RABGEF1: variants seen among roughly 807,000 people sequenced by gnomAD.
RABGEF1 encodes the protein RAB guanine nucleotide exchange factor 1.
In RABGEF1, 26 loss-of-function variants were observed where a neutral mutation model predicts 57.3. The observed-to-expected ratio is 0.45, with a 90% CI of 0.33 to 0.63. The LOEUF is 0.63. RABGEF1 is among the 20% of genes least tolerant of loss of function. RABGEF1 has a pLI of 0.02. For missense variants in RABGEF1, 464 were observed against 607.6 expected (o/e 0.76, Z 2.48); for synonymous variants, 185 against 210.7 (o/e 0.88, Z 1.06).
At chr7:66,692,241 TTC>T in intron 1 of RABGEF1, among the ~76,000 whole-genome samples, 1 of 152,348 alleles carries the variant, frequency 6.6e-6, no homozygotes, top group Non-Finnish European at 1.5e-5. Context: ...GCAGTGCTGT[TTC>T]GGAAGGTCCC....
rs375164902 is a variant in RABGEF1, at chr7:66,754,711, C to T, written c.-18+13919C>T. Among the ~76,000 whole-genome samples, 13 of 152,302 alleles carry T rather than the reference C, an allele frequency of 8.5e-5. No individual in the cohort carries two copies. In the South Asian group the frequency reaches 1.2e-3, roughly 15 times the overall value. Reference sequence around the variant, plus strand: ...CATAACACAAATATTTATTTGATTGCGCCATCTAACAAATCTGAATAAATA... The same window carrying T: ...CATAACACAAATATTTATTTGATTGTGCCATCTAACAAATCTGAATAAATA... On this transcript the variant is annotated intron_variant, in intron 1 of 8. Transcript: ENST00000284957.
At chr7:66,720,135 G>A (rs1043159588) in intron 2 of RABGEF1, among the ~76,000 whole-genome samples, 3 of 150,866 alleles carry the variant, frequency 2.0e-5, no homozygotes, top group African/African-American at 7.3e-5. Flanking sequence ...AATACTTGCA[G>A]AAAAGAAGCA....
intron 1 of RABGEF1, among the ~76,000 whole-genome samples, chr7:66,705,876 ATTTTTTTTTTTTTTTTTT>A (rs201838145): frequency 8.9e-5 from 4 of 45,150 alleles, no homozygotes; most frequent in Admixed American, 3.4e-4. Flanking sequence ...CACCCAGCTA[ATTTTTTTTTTTTTTTTTT>A]TTTTTTTTTT....
chr7:66,706,101 A>T (rs1794046383), intron 1 of RABGEF1, among the ~76,000 whole-genome samples: 1 of 149,792 alleles, frequency 6.7e-6, no homozygotes, highest in Non-Finnish European at 1.5e-5. Context: ...ACGGGGTTTC[A>T]CCTTGTTAGC....
intron 1 of RABGEF1, chr7:66,768,830 G>C (rs1480656170): frequency 1.3e-5 from 2 of 152,038 alleles, no homozygotes; most frequent in African/African-American, 4.8e-5. Context: ...CTTTTGTCCA[G>C]AAAACTGTGG....
At chr7:66,738,863 T>C (rs1798378417), upstream of RABGEF1, among the ~76,000 whole-genome samples, 1 of 152,154 alleles carries the variant, frequency 6.6e-6, no homozygotes, top group Non-Finnish European at 1.5e-5. Flanking sequence ...CTTTTGGTAA[T>C]AGCAATTACC....
upstream of RABGEF1, among the ~76,000 whole-genome samples, chr7:66,738,690 C>T (rs1185054837): frequency 6.7e-6 from 1 of 149,792 alleles, no homozygotes; most frequent in Admixed American, 6.7e-5. Context: ...CGAGATTGCA[C>T]CACTGTGCTC....
intron 1 of RABGEF1, among the ~76,000 whole-genome samples, chr7:66,705,586 C>G (rs1235921653): frequency 6.6e-6 from 1 of 151,650 alleles, no homozygotes; most frequent in African/African-American, 2.4e-5. Flanking sequence ...GTCCTGCAAC[C>G]TTGCTATAAT....
chr7:66,790,058 A>T (rs1812256833), intron 4 of RABGEF1, among the ~76,000 whole-genome samples: 1 of 152,262 alleles, frequency 6.6e-6, no homozygotes, highest in South Asian at 2.1e-4. Flanking sequence ...GCATTGGCAG[A>T]TACTGAGGAC....
chr7:66,690,990 C>T (rs1791437840), intron 1 of RABGEF1, among the ~76,000 whole-genome samples: 1 of 151,776 alleles, frequency 6.6e-6, no homozygotes, highest in African/African-American at 2.4e-5. Context: ...GCTTCGGAGG[C>T]TGGGGCATGA....
intron 1 of RABGEF1, among the ~76,000 whole-genome samples, chr7:66,702,370 T>TGA (rs1793421804): frequency 6.6e-6 from 1 of 151,794 alleles, no homozygotes; most frequent in Non-Finnish European, 1.5e-5. Context: ...TGTGTGTGTG[T>TGA]GTGTGTGTGT....
At chr7:66,702,347 T>TGTGTGTG (rs1554306667) in intron 1 of RABGEF1, among the ~76,000 whole-genome samples, 7 of 143,888 alleles carry the variant, frequency 4.9e-5, no homozygotes, top group East Asian at 2.0e-4. Flanking sequence ...ATTGTTTTGT[T>TGTGTGTG]TGTGTGTGTG....
chr7:66,707,865 T>C (rs1584827970), intron 1 of RABGEF1, among the ~76,000 whole-genome samples: 1 of 152,214 alleles, frequency 6.6e-6, no homozygotes, highest in Admixed American at 6.6e-5. Flanking sequence ...ATAATGTCCT[T>C]CTTTGTCTCT....
Position 66,804,219 on chromosome 7 carries a change from G to A in RABGEF1, c.821-921G>A, listed in dbSNP as rs1787936675. 5.9e-5 allele frequency among the ~76,000 whole-genome samples: 9 copies of A among 152,130 alleles called. No individual in the cohort carries two copies. In the South Asian group the frequency reaches 1.9e-3, roughly 32 times the overall value. The stretch of plus-strand genomic sequence containing the variant: ...CTGCCTCAGCCTTTCCAGTAGTTGG[G>A]GCTATAGGCACACATTACCACACTC... On this transcript the variant is annotated intron_variant, in intron 7 of 8. Transcript: ENST00000284957.
At chr7:66,678,513 C>T (rs565945469), upstream of RABGEF1, among the ~76,000 whole-genome samples, 7 of 136,312 alleles carry the variant, frequency 5.1e-5, no homozygotes, top group South Asian at 2.3e-4. Flanking sequence ...TGCAGTGAGC[C>T]GAGATGGCGC....
rs562680689 is a variant in RABGEF1, at chr7:66,684,306, T to C, written c.-873+2048T>C. 9.7e-4 allele frequency among the ~76,000 whole-genome samples: 147 copies of C among 152,214 alleles called. 1 individual carries two copies. Among genetic ancestry groups the C allele is most frequent in the Non-Finnish European group, 1.2e-3 (84 of 68,016 alleles). ...TAAAAACACAAAAATTAGATGGGCA[T>C]GATGGCGCCTACCTGTAATCCTAGC... On this transcript the variant is annotated intron_variant and NMD_transcript_variant, in intron 1 of 9. Transcript: ENST00000607882.
chr7:66,809,609 AC>A lies in RABGEF1; in HGVS notation c.*326del. ...AAATAATTGCCTTTTAAAGGATTAA[AC>A]AAATGAATGCTACAAAGTGTATGTT... is the stretch of plus-strand genomic sequence containing the variant. On this transcript the variant is annotated 3_prime_UTR_variant, in exon 9 of 9. Coordinates refer to ENST00000284957, the MANE Select transcript of RABGEF1 (RefSeq NM_014504.3). The A allele has an allele frequency of 4.8e-6, 1 of 206,970 alleles. No individual in the cohort carries two copies. Among genetic ancestry groups the A allele is most frequent in the South Asian group, 1.4e-4 (1 of 6,954 alleles). 12.8% of individuals were successfully genotyped at this position (206,970 alleles called of 1,614,324 possible).
intron 2 of RABGEF1, among the ~76,000 whole-genome samples, chr7:66,715,798 C>T (rs1395930160): frequency 4.6e-5 from 7 of 151,966 alleles, no homozygotes; most frequent in Non-Finnish European, 8.8e-5. Flanking sequence ...AGCTGGAGTG[C>T]AGTGGCTATT....
At chr7:66,727,967 T>G (rs1445971243) in intron 2 of RABGEF1, among the ~76,000 whole-genome samples, 1 of 152,018 alleles carries the variant, frequency 6.6e-6, no homozygotes, top group Non-Finnish European at 1.5e-5. Context: ...TCCACCAACC[T>G]CATCCTCCCC....
Sources: allele counts gnomAD v4.1 joint callset (sites outside exome capture counted in the v4.1 genomes callset), GRCh38; gene constraint gnomAD v4.1.1; transcripts MANE v1.5; gene names NCBI Gene and HGNC (gene_info 2026-07-23, HGNC 2026-07-21).